Variants in TMEM131L observed in about 807,000 individuals in gnomAD.
TMEM131L encodes the protein transmembrane protein 131-like.
Under a neutral mutation model 192.2 loss-of-function variants are expected in TMEM131L, and 54 were observed. That is an observed-to-expected ratio of 0.28 (90% confidence interval 0.23 to 0.35). The LOEUF (loss-of-function observed/expected upper bound fraction) is 0.35. Among genes scored for constraint, TMEM131L ranks in the 10% least tolerant of loss-of-function variants. The pLI is 1.00. For missense variants in TMEM131L, 1,888 were observed against 1,972.9 expected (o/e 0.96, Z 0.82); for synonymous variants, 701 against 704.9 (o/e 0.99, Z 0.09).
chr4:153,481,902 A>G (rs1369701366), intron 3 of TMEM131L, among the ~76,000 whole-genome samples: 1 of 152,022 alleles, frequency 6.6e-6, no homozygotes, highest in Non-Finnish European at 1.5e-5. Context: ...GCTGGAGTGC[A>G]GTGACGCGAT....
At chr4:153,474,052 C>T (rs1416711718) in intron 3 of TMEM131L, among the ~76,000 whole-genome samples, 164 bp downstream of exon 3, 1 of 152,062 alleles carries the variant, frequency 6.6e-6, no homozygotes, top group Non-Finnish European at 1.5e-5. Context: ...TACATTAATA[C>T]GATTTTGTTT....
intron 3 of TMEM131L, among the ~76,000 whole-genome samples, chr4:153,520,963 G>C (rs970067607): frequency 3.3e-5 from 5 of 152,326 alleles, no homozygotes; most frequent in Non-Finnish European, 7.3e-5. Flanking sequence ...CAGTGTGTCT[G>C]CATTAAAGGA....
chr4:153,514,204 T>C (rs971794523), intron 3 of TMEM131L, among the ~76,000 whole-genome samples: 4 of 152,214 alleles, frequency 2.6e-5, no homozygotes, highest in African/African-American at 9.6e-5. Context: ...AGACTAATGG[T>C]ACCTTTTCTA....
In TMEM131L at chr4:153,587,828, T is replaced by C. The variant is rs770427119; in HGVS notation, c.1552+17T>C. On this transcript the variant is annotated intron_variant, in intron 15 of 34. Transcript: ENST00000409959. ...CAAAAGCAGGTAAGTATTTTGCCCT[T>C]AGGCTTTCTGTAGATCTCTAGTTTG... 4 of 1,587,234 alleles carry C rather than the reference T, an allele frequency of 2.5e-6. No individual in the cohort carries two copies. The South Asian group carries it at 3.3e-5, about 13-fold the overall frequency.
chr4:153,537,026 T>A (rs576076233), intron 3 of TMEM131L, among the ~76,000 whole-genome samples: 4 of 152,286 alleles, frequency 2.6e-5, no homozygotes, highest in African/African-American at 9.6e-5. Context: ...CCACCCAGAT[T>A]AAGGGTGGGT....
intron 31 of TMEM131L, among the ~76,000 whole-genome samples, chr4:153,629,066 G>A (rs1031364251): frequency 1.3e-5 from 2 of 152,078 alleles, no homozygotes; most frequent in Non-Finnish European, 2.9e-5. Context: ...CAAAGCCCCA[G>A]CCATGGTTTT....
At chr4:153,570,886 C>T (rs1303458160) in intron 7 of TMEM131L, among the ~76,000 whole-genome samples, 2 of 152,184 alleles carry the variant, frequency 1.3e-5, no homozygotes, top group African/African-American at 4.8e-5. Context: ...AAGTGTGAGT[C>T]CATCAGGGCC....
intron 17 of TMEM131L, among the ~76,000 whole-genome samples, chr4:153,592,094 G>A (rs1472947313): frequency 1.3e-5 from 2 of 152,000 alleles, no homozygotes; most frequent in African/African-American, 4.8e-5. Context: ...CAACAATCAT[G>A]ATGCTGTTAT....
At chr4:153,582,430 G>GTTT (rs1561212531) in intron 9 of TMEM131L, among the ~76,000 whole-genome samples, 2 of 38,534 alleles carry the variant, frequency 5.2e-5, no homozygotes, top group Non-Finnish European at 9.2e-5. Flanking sequence ...GTTTTTTTTT[G>GTTT]TTGTTTTTTT....
intron 3 of TMEM131L, among the ~76,000 whole-genome samples, chr4:153,528,498 C>T (rs757314910): frequency 7.2e-5 from 11 of 152,124 alleles, no homozygotes; most frequent in Non-Finnish European, 1.3e-4. Context: ...CAAAACAAAT[C>T]ACAATAAGGT....
chr4:153,583,693 T>A, intron 11 of TMEM131L, 21 bp downstream of exon 11: 1 of 1,367,532 alleles, frequency 7.3e-7, no homozygotes. Flanking sequence ...TTAAACAGAT[T>A]GTCATTTGAC....
intron 4 of TMEM131L, chr4:153,554,334 C>T (rs563992326): frequency 4.6e-5 from 7 of 152,100 alleles, no homozygotes; most frequent in Admixed American, 1.3e-4. Context: ...GGATTTTAAT[C>T]ACATTGATGT....
Position 153,550,072 on chromosome 4 carries a change from G to A in TMEM131L, c.240-1G>A, listed in dbSNP as rs1737492926. ...AATCAACCTCTCTTTTCTTTTTTTA[G>A]CTTCTCGGACAAACTATTTAGTGGA... On this transcript the variant is annotated splice_acceptor_variant, in intron 3 of 34. Transcript: ENST00000409959. LOFTEE classifies it high-confidence loss of function. 2 of 1,457,442 alleles carry A rather than the reference G, an allele frequency of 1.4e-6. No individual in the cohort carries two copies. The highest frequency in any genetic ancestry group is 1.8e-6 in the Non-Finnish European group (2 of 1,092,090). 90.3% of individuals were successfully genotyped at this position (1,457,442 alleles called of 1,614,324 possible). A position where few individuals can be genotyped will look rare whatever the true frequency, so the allele number is the denominator to read the frequency against.
Position 153,612,341 on chromosome 4 carries a change from A to G in TMEM131L, c.3508A>G (p.Ile1170Val). 6.2e-7 allele frequency: 1 copy of G among 1,602,394 alleles called. No homozygotes were observed. The highest frequency in any genetic ancestry group is 8.5e-7 in the Non-Finnish European group (1 of 1,176,244). The change falls in exon 26 of 35, where the codon ATT becomes GTT. Residue 1170 changes from isoleucine (I) to valine (V), a missense_variant. Transcript: ENST00000409959. ...CACAAAGCCTTCTTCAGAAAAGAAG[A>G]TTCACAAAACATCTAGAGAAGACAT... is the stretch of plus-strand genomic sequence containing the variant. ...VDTKPSSEKK[I>V]HKTSREDMFS...
At position 153,555,945 on chromosome 4, in the gene TMEM131L, G is replaced by A. The variant is rs1436760213; in HGVS notation, c.432+35G>A. On this transcript the variant is annotated intron_variant, in intron 5 of 34. Coordinates refer to ENST00000409959, the MANE Select transcript of TMEM131L (RefSeq NM_001131007.2). The surrounding 1 kb of genome is among the most constrained non-coding windows in gnomAD (Gnocchi z 4.1). ...GATGGACTCCTGGAAACTATGCCGT[G>A]GCAGGCAGCCAGGTTTTCTTGCTTT... The A allele has an allele frequency of 1.3e-6, 2 of 1,541,760 alleles. No homozygotes were observed. Among genetic ancestry groups the A allele is most frequent in the East Asian group, 2.5e-5 (1 of 40,596 alleles).
chr4:153,631,961 G>A (rs1196824260), intron 31 of TMEM131L, among the ~76,000 whole-genome samples: 1 of 152,138 alleles, frequency 6.6e-6, no homozygotes, highest in East Asian at 1.9e-4. Flanking sequence ...ACTTCCTCAC[G>A]TCAATCACGT....
At chr4:153,632,217 G>GC (rs1241049265) in intron 31 of TMEM131L, 1 of 157,952 alleles carries the variant, frequency 6.3e-6, no homozygotes, top group African/African-American at 2.4e-5. Flanking sequence ...GGAGGCTGAG[G>GC]CATGAGAATC....
intron 3 of TMEM131L, among the ~76,000 whole-genome samples, chr4:153,532,895 AG>A (rs750315897): frequency 9.2e-5 from 14 of 152,244 alleles, no homozygotes; most frequent in Admixed American, 2.6e-4. Flanking sequence ...GACGCATTAA[AG>A]GAACTCATTG....
intron 3 of TMEM131L, among the ~76,000 whole-genome samples, chr4:153,521,652 G>A (rs1202844910): frequency 6.6e-6 from 1 of 152,040 alleles, no homozygotes; most frequent in Non-Finnish European, 1.5e-5. Flanking sequence ...TTGTAGAACT[G>A]AAACTGTGCC....
Sources: gnomAD v4.1 joint callset for allele counts (sites outside exome capture counted in the v4.1 genomes callset) on GRCh38, gnomAD v4.1.1 for gene constraint, Gnocchi (gnomAD v3.1) non-coding constraint, MANE v1.5 for transcripts, NCBI Gene and HGNC (gene_info 2026-07-23, HGNC 2026-07-21) for gene names.